The following EIF4G3 variants were observed in gnomAD, a reference collection of about 807,000 sequenced individuals.
The protein encoded by EIF4G3 is eIF-4-gamma 3.
In EIF4G3, 34 loss-of-function variants were observed where a neutral mutation model predicts 186.4. That is an observed-to-expected ratio of 0.18 (90% confidence interval 0.14 to 0.24). EIF4G3 has a LOEUF of 0.24. Ranked by LOEUF, EIF4G3 falls within the 10% of genes least tolerant of loss-of-function variation. The probability of loss-of-function intolerance (pLI) is 1.00; values close to 1 mark genes in which losing one functional copy is unlikely to be tolerated. For missense variants in EIF4G3, 1,536 were observed against 1,948.5 expected, an observed-to-expected ratio of 0.79 and a Z score of 3.99; for synonymous variants, 673 against 679.5, an observed-to-expected ratio of 0.99 and a Z score of 0.15.
At chr1:20,906,736 C>T (rs1346241499) in intron 14 of EIF4G3, among the ~76,000 whole-genome samples, 1 of 151,640 alleles carries the variant, frequency 6.6e-6, no homozygotes, top group East Asian at 1.9e-4. Context: ...TGATTTAAAA[C>T]AATAATTCAG....
intron 4 of EIF4G3, among the ~76,000 whole-genome samples, chr1:21,023,674 C>A (rs919496872): frequency 6.6e-6 from 1 of 151,822 alleles, no homozygotes. Flanking sequence ...TCTGCCCAGC[C>A]GCCACCCCGT....
In EIF4G3 at chr1:21,088,855, ACT is replaced by A. The variant is rs1308824900; in HGVS notation, c.-196+281_-196+282del. The stretch of plus-strand genomic sequence containing the variant: ...ACTCCAGCCTGGGTGACACAGTGAA[ACT>A]CTGTCTCAAAATAATAAAAATAATA... On this transcript the variant is annotated intron_variant, in intron 3 of 36. Transcript: ENST00000602326. 3.2e-4 allele frequency among the ~76,000 whole-genome samples: 48 copies of A among 152,154 alleles called. 2 individuals carry two copies. The highest frequency in any genetic ancestry group is 2.9e-3 in the Admixed American group (45 of 15,266).
intron 3 of EIF4G3, among the ~76,000 whole-genome samples, chr1:21,085,952 A>T (rs1291714240): frequency 6.6e-6 from 1 of 152,168 alleles, no homozygotes; most frequent in Non-Finnish European, 1.5e-5. Flanking sequence ...TTGGTCTCCC[A>T]AAGTGCTGGG....
chr1:21,079,506 G>A (rs200961434), intron 3 of EIF4G3, among the ~76,000 whole-genome samples: 352 of 100,422 alleles, frequency 3.5e-3, no homozygotes, highest in Non-Finnish European at 3.8e-3. Flanking sequence ...TGTCTCTACA[G>A]AAAAAAAAAA....
At chr1:21,057,320 T>C (rs937934900) in intron 3 of EIF4G3, among the ~76,000 whole-genome samples, 4 of 152,176 alleles carry the variant, frequency 2.6e-5, no homozygotes, top group Admixed American at 6.5e-5. Context: ...AATTTTCCTA[T>C]ACAGAAACAG....
At chr1:21,148,881 G>A (rs1221536803) in intron 2 of EIF4G3, among the ~76,000 whole-genome samples, 4 of 151,872 alleles carry the variant, frequency 2.6e-5, no homozygotes, top group Admixed American at 6.6e-5. Flanking sequence ...TTGTGGCACA[G>A]TCATATATCT....
intron 6 of EIF4G3, chr1:20,999,658 C>T (rs762482015): frequency 1.0e-4 from 41 of 409,698 alleles, no homozygotes; most frequent in Non-Finnish European, 1.5e-4. Context: ...AAAGAAAACC[C>T]CAACTTAAGT....
intron 14 of EIF4G3, among the ~76,000 whole-genome samples, chr1:20,938,980 G>A (rs756746201): frequency 7.2e-5 from 11 of 151,916 alleles, no homozygotes; most frequent in African/African-American, 2.4e-4. Flanking sequence ...GGTGGCACAC[G>A]CCTATAATCC....
intron 2 of EIF4G3, among the ~76,000 whole-genome samples, chr1:21,165,789 A>C (rs1028568827): frequency 2.0e-5 from 3 of 152,150 alleles, no homozygotes; most frequent in Admixed American, 6.6e-5. Context: ...GAATATACCC[A>C]AAACCACTGA....
intron 14 of EIF4G3, among the ~76,000 whole-genome samples, chr1:20,911,984 G>A (rs1282382193): frequency 1.3e-5 from 2 of 152,100 alleles, no homozygotes; most frequent in Non-Finnish European, 2.9e-5. Context: ...ATGACAGAGT[G>A]AGGCTCTGTC....
At chr1:20,964,421 C>T (rs2074159814) in intron 12 of EIF4G3, among the ~76,000 whole-genome samples, 1 of 152,266 alleles carries the variant, frequency 6.6e-6, no homozygotes, top group South Asian at 2.1e-4. Flanking sequence ...TGTATATACA[C>T]ATATGCATAT....
At chr1:21,058,005 A>G (rs2094647233) in intron 3 of EIF4G3, among the ~76,000 whole-genome samples, 1 of 152,208 alleles carries the variant, frequency 6.6e-6, no homozygotes, top group Admixed American at 6.5e-5. Flanking sequence ...GCAAATTAGG[A>G]TTAGTCATTA....
At position 20,981,153 on chromosome 1, in the gene EIF4G3, T is replaced by C. The variant is rs1416300811; in HGVS notation, c.273A>G (p.Ala91=). 3.1e-6 allele frequency: 5 copies of C among 1,613,302 alleles called. No homozygotes were observed. Among genetic ancestry groups the C allele is most frequent in the Non-Finnish European group, 3.4e-6 (4 of 1,179,826 alleles). Residue 91 remains alanine, a synonymous_variant, in exon 9 of 37, where the codon GCA becomes GCG. Coordinates refer to ENST00000602326, the MANE Select transcript of EIF4G3 (RefSeq NM_001391906.1). ...CCTGGTACACTGCAGTGGGTGTCTG[T>C]GCACCAGGACGAATGGAAGGACTGC... The part of the protein sequence containing the change: ...PNSSPSIRPG[A]QTPTAVYQAN...
intron 16 of EIF4G3, among the ~76,000 whole-genome samples, chr1:20,898,869 T>C (rs987903992): frequency 3.3e-5 from 5 of 152,206 alleles, no homozygotes; most frequent in African/African-American, 1.2e-4. Context: ...TAGCTGAAAT[T>C]ACAGGCATGT....
At chr1:20,943,968 T>TGTG (rs1558362029) in intron 13 of EIF4G3, among the ~76,000 whole-genome samples, 501 of 11,948 alleles carry the variant, frequency 0.042, 29 homozygotes, top group Non-Finnish European at 0.051. Flanking sequence ...CTTGTCTTTA[T>TGTG]TTTTTTTGTG....
chr1:20,902,194 G>A (rs1389439253), intron 15 of EIF4G3, among the ~76,000 whole-genome samples: 1 of 151,870 alleles, frequency 6.6e-6, no homozygotes, highest in Admixed American at 6.6e-5. Flanking sequence ...CTCCTGAGTA[G>A]CTGGGATTAC....
chr1:21,144,744 G>C lies in EIF4G3; in HGVS notation c.-272+31431C>G, dbSNP rs1360095217. On this transcript the variant is annotated intron_variant, in intron 2 of 36. Transcript: ENST00000602326. Reference sequence around the variant, plus strand: ...TAAACCACTGAAAGACAAAGAATGAGTCCCATCTTTCAAAAAGCCCACGAA... The same window carrying C: ...TAAACCACTGAAAGACAAAGAATGACTCCCATCTTTCAAAAAGCCCACGAA... Among the ~76,000 whole-genome samples the C allele has an allele frequency of 2.9e-5, 4 of 136,296 alleles. No individual in the cohort carries two copies. In the East Asian group the frequency reaches 5.8e-4, roughly 20 times the overall value. 89.4% of individuals were successfully genotyped at this position (136,296 alleles called of 152,430 possible). A position where few individuals can be genotyped will look rare whatever the true frequency, so the allele number is the denominator to read the frequency against.
chr1:20,919,875 C>A (rs59400512), intron 14 of EIF4G3, among the ~76,000 whole-genome samples: 1 of 151,510 alleles, frequency 6.6e-6, no homozygotes, highest in Admixed American at 6.6e-5. Flanking sequence ...ATGTTATTTT[C>A]TCTTGTGATG....
In EIF4G3 at chr1:20,901,746, GT is replaced by G. The variant is rs989045274; in HGVS notation, c.1753-1804del. On this transcript the variant is annotated intron_variant, in intron 15 of 36. Transcript: ENST00000602326. Reference sequence around the variant, plus strand: ...AAATAGCTTAATTAAATATTTATGGGTTTTTTTTAAAGCAGGATAAAATCCT... The same window carrying G: ...AAATAGCTTAATTAAATATTTATGGGTTTTTTTAAAGCAGGATAAAATCCT... Among the ~76,000 whole-genome samples, 4 of 151,980 alleles carry G rather than the reference GT, an allele frequency of 2.6e-5. No individual in the cohort carries two copies. The East Asian group carries it at 7.7e-4, about 29-fold the overall frequency.
Sources: allele counts gnomAD v4.1 joint callset (sites outside exome capture counted in the v4.1 genomes callset), GRCh38; gene constraint gnomAD v4.1.1; transcripts MANE v1.5; gene names NCBI Gene and HGNC (gene_info 2026-07-23, HGNC 2026-07-21).